Variants in AGBL4 observed in about 807,000 individuals in gnomAD.
The protein encoded by AGBL4 is AGBL carboxypeptidase 4, also known as cytosolic carboxypeptidase 6.
In AGBL4, 58 loss-of-function variants were observed where a neutral mutation model predicts 66.4. That is an observed-to-expected ratio of 0.87 (90% CI 0.71 to 1.09). The LOEUF (loss-of-function observed/expected upper bound fraction) is 1.09, where lower values mean the gene tolerates loss of function less well. AGBL4 is among the 50% of genes least tolerant of loss of function. The probability of loss-of-function intolerance (pLI) is 0.00; values close to 1 mark genes in which losing one functional copy is unlikely to be tolerated. For synonymous variants in AGBL4, 234 were observed against 222.9 expected, an observed-to-expected ratio of 1.05 and a Z score of -0.44; for missense variants, 579 against 631.0, an observed-to-expected ratio of 0.92 and a Z score of 0.88.
intron 1 of AGBL4, among the ~76,000 whole-genome samples, chr1:49,868,018 T>C (rs1268228421): frequency 1.3e-5 from 2 of 152,020 alleles, no homozygotes; most frequent in Non-Finnish European, 2.9e-5. Context: ...TGAACTCCCA[T>C]TCACAATTGC....
intron 1 of AGBL4, among the ~76,000 whole-genome samples, chr1:49,950,017 C>CATGTATATAT (rs1655946161): frequency 2.6e-5 from 1 of 38,848 alleles, no homozygotes; most frequent in East Asian, 1.3e-3. Flanking sequence ...TATACACACA[C>CATGTATATAT]ATATGTGTGT....
intron 1 of AGBL4, among the ~76,000 whole-genome samples, chr1:49,967,662 AT>A (rs946601967): frequency 1.3e-5 from 2 of 152,212 alleles, no homozygotes; most frequent in African/African-American, 4.8e-5. Flanking sequence ...GATTAAAAAA[AT>A]AAAAAATAAA....
At chr1:49,694,322 G>C (rs938615815) in intron 3 of AGBL4, among the ~76,000 whole-genome samples, 6 of 152,044 alleles carry the variant, frequency 3.9e-5, no homozygotes, top group Middle Eastern at 3.2e-3. Context: ...CTTTAACGTA[G>C]ACTACCATGA....
chr1:49,586,833 ATTAAATTAC>A (rs1384646933), intron 3 of AGBL4, among the ~76,000 whole-genome samples: 1 of 152,144 alleles, frequency 6.6e-6, no homozygotes, highest in Non-Finnish European at 1.5e-5. Context: ...ATTGAGTTAT[ATTAAATTAC>A]TTATTCATCT....
intron 3 of AGBL4, among the ~76,000 whole-genome samples, chr1:49,306,162 A>G (rs996433734): frequency 6.6e-6 from 1 of 152,174 alleles, no homozygotes; most frequent in Admixed American, 6.5e-5. Flanking sequence ...AGCATAGACA[A>G]TCCTTTACCT....
At chr1:49,100,293 T>G (rs964716685) in intron 4 of AGBL4, among the ~76,000 whole-genome samples, 1 of 152,186 alleles carries the variant, frequency 6.6e-6, no homozygotes, top group African/African-American at 2.4e-5. Flanking sequence ...TTTATACTCC[T>G]TCCTATATGA....
rs570415326 is a variant in AGBL4, at chr1:49,456,411, C to T, written c.283-210547G>A. Among the ~76,000 whole-genome samples the T allele has an allele frequency of 2.0e-5, 3 of 151,794 alleles. No homozygotes were observed. The East Asian group carries it at 5.8e-4, about 29-fold the overall frequency. ...CATCCATTTCTAGAGGTTCAAGAGGCTCTTTGAGAGCCTTTGTTTAATGAA... is the reference window on the plus strand; with the variant it reads ...CATCCATTTCTAGAGGTTCAAGAGGTTCTTTGAGAGCCTTTGTTTAATGAA... On this transcript the variant is annotated intron_variant, in intron 3 of 13. Coordinates refer to ENST00000371839, the MANE Select transcript of AGBL4 (RefSeq NM_032785.4).
intron 3 of AGBL4, among the ~76,000 whole-genome samples, chr1:49,424,539 G>C (rs1645615565): frequency 6.6e-6 from 1 of 152,142 alleles, no homozygotes; most frequent in Non-Finnish European, 1.5e-5. Flanking sequence ...ACTAACATTT[G>C]AAATTAAGGG....
chr1:49,362,817 T>A (rs1322477789), intron 3 of AGBL4, among the ~76,000 whole-genome samples: 2 of 152,222 alleles, frequency 1.3e-5, no homozygotes, highest in Non-Finnish European at 2.9e-5. Context: ...CAATTGCATA[T>A]GGGCTCACCT....
intron 3 of AGBL4, among the ~76,000 whole-genome samples, chr1:49,486,849 C>A (rs140917877): frequency 9.9e-4 from 151 of 152,054 alleles, no homozygotes; most frequent in African/African-American, 3.5e-3. Flanking sequence ...ATGTCTGTGT[C>A]TGAAGTTAAG....
At chr1:49,146,148 T>C (rs1646214069) in intron 4 of AGBL4, among the ~76,000 whole-genome samples, 1 of 152,076 alleles carries the variant, frequency 6.6e-6, no homozygotes, top group Admixed American at 6.6e-5. Context: ...GGACAGTCAA[T>C]GGGTACAAAA....
chr1:48,547,742 T>C (rs1644186994), intron 11 of AGBL4, among the ~76,000 whole-genome samples: 1 of 152,096 alleles, frequency 6.6e-6, no homozygotes, highest in Admixed American at 6.5e-5. Context: ...CCCAAGGGCT[T>C]TAGGGGAATG....
At chr1:49,262,475 C>T (rs1006530961) in intron 3 of AGBL4, among the ~76,000 whole-genome samples, 1 of 152,040 alleles carries the variant, frequency 6.6e-6, no homozygotes, top group Non-Finnish European at 1.5e-5. Flanking sequence ...AACAAACAAC[C>T]CCATCAAAAA....
At chr1:49,294,135 A>C (rs1644596247) in intron 3 of AGBL4, among the ~76,000 whole-genome samples, 3 of 152,196 alleles carry the variant, frequency 2.0e-5, no homozygotes, top group African/African-American at 7.2e-5. Context: ...ACTTAGTTGC[A>C]TGTTTTTGGA....
At chr1:50,001,514 T>C (rs1660755042) in intron 1 of AGBL4, among the ~76,000 whole-genome samples, 1 of 151,114 alleles carries the variant, frequency 6.6e-6, no homozygotes, top group African/African-American at 2.4e-5. Context: ...TGTGTATATA[T>C]ATATATATAT....
intron 3 of AGBL4, among the ~76,000 whole-genome samples, chr1:49,373,787 G>C (rs1278743567): frequency 2.6e-5 from 4 of 151,904 alleles, no homozygotes; most frequent in Non-Finnish European, 5.9e-5. Flanking sequence ...ATATCTCCAG[G>C]AATCTTTTTA....
At chr1:48,961,080 G>GTTGTGT (rs1657929065) in intron 5 of AGBL4, among the ~76,000 whole-genome samples, 3 of 148,626 alleles carry the variant, frequency 2.0e-5, no homozygotes, top group African/African-American at 7.4e-5. Context: ...CCCAGTCTGG[G>GTTGTGT]GTGTGTGTGT....
intron 3 of AGBL4, among the ~76,000 whole-genome samples, chr1:49,520,170 C>A (rs1461266220): frequency 6.6e-6 from 1 of 152,000 alleles, no homozygotes; most frequent in African/African-American, 2.4e-5. Context: ...TGATTACCTG[C>A]TCATTGCTCC....
chr1:49,802,713 C>A (rs1230051944), intron 2 of AGBL4, among the ~76,000 whole-genome samples: 1 of 152,148 alleles, frequency 6.6e-6, no homozygotes, highest in East Asian at 1.9e-4. Flanking sequence ...GCATTGTTGG[C>A]ACCACGGGAC....
Sources: gnomAD v4.1 joint callset for allele counts (sites outside exome capture counted in the v4.1 genomes callset) on GRCh38, gnomAD v4.1.1 for gene constraint, MANE v1.5 for transcripts, NCBI Gene and HGNC (gene_info 2026-07-23, HGNC 2026-07-21) for gene names.